Variants in LRP1B observed in about 807,000 individuals in gnomAD.
The protein encoded by LRP1B is LDL receptor related protein 1B.
LRP1B carries 217 observed loss-of-function variants against 556.6 expected under a neutral mutation model. The observed-to-expected ratio is 0.39, with a 90% CI of 0.35 to 0.44. The LOEUF is 0.44. Among genes scored for constraint, LRP1B ranks in the 20% least tolerant of loss-of-function variants. The probability of loss-of-function intolerance (pLI) is 1.00; values close to 1 mark genes in which losing one functional copy is unlikely to be tolerated. For synonymous variants in LRP1B, 2,047 were observed against 1,865.8 expected (o/e 1.10, Z -2.50); for missense variants, 5,053 against 5,620.8 (o/e 0.90, Z 3.23).
intron 1 of LRP1B, among the ~76,000 whole-genome samples, chr2:142,061,209 C>G (rs1168073229): frequency 6.6e-6 from 1 of 151,880 alleles, no homozygotes; most frequent in Non-Finnish European, 1.5e-5. Context: ...AAGCAATGCT[C>G]AGAGTGCTTG....
At chr2:141,510,035 T>C (rs1229106786) in intron 2 of LRP1B, among the ~76,000 whole-genome samples, 3 of 152,172 alleles carry the variant, frequency 2.0e-5, no homozygotes, top group East Asian at 1.9e-4. Context: ...CAAGAACTAT[T>C]TGGGGACCAA....
chr2:140,888,917 C>CA (rs1693717947), intron 23 of LRP1B, among the ~76,000 whole-genome samples: 1 of 141,858 alleles, frequency 7.0e-6, no homozygotes, highest in South Asian at 2.3e-4. Context: ...GAGCCTAGAT[C>CA]ATGCCACTGC....
At position 141,544,405 on chromosome 2, in the gene LRP1B, C is replaced by CCTTCTCCTCCTT. The variant is rs1478827302; in HGVS notation, c.206-63873_206-63872insAAGGAGGAGAAG. Among the ~76,000 whole-genome samples, 3 of 65,880 alleles carry CCTTCTCCTCCTT rather than the reference C, an allele frequency of 4.6e-5. 1 individual carries two copies. The highest frequency in any genetic ancestry group is 1.2e-3 in the South Asian group (2 of 1,698). The allele number at this position is 65,880 out of a possible 152,430, so 43.2% of individuals were successfully genotyped here. On this transcript the variant is annotated intron_variant, in intron 2 of 90. Transcript: ENST00000389484. Reference sequence around the variant, plus strand: ...TTCTCCTCCTCCTCCTCCTCCTCCTCCTCCTCCTTCTCCTCCTTCTCCTCC... The same window carrying CCTTCTCCTCCTT: ...TTCTCCTCCTCCTCCTCCTCCTCCTCCTTCTCCTCCTTCTCCTCCTTCTCCTCCTTCTCCTCC...
chr2:140,442,125 A>T (rs1412028519), intron 66 of LRP1B, among the ~76,000 whole-genome samples: 3 of 148,922 alleles, frequency 2.0e-5, no homozygotes, highest in Non-Finnish European at 3.0e-5. Flanking sequence ...ATAACTACAG[A>T]ATCTTAGGGA....
chr2:141,333,769 G>T (rs966183887), intron 3 of LRP1B, among the ~76,000 whole-genome samples: 1 of 152,258 alleles, frequency 6.6e-6, no homozygotes, highest in South Asian at 2.1e-4. Flanking sequence ...TTTATCAACT[G>T]CTTTCCTGTG....
At chr2:141,914,658 C>T (rs753171027) in intron 1 of LRP1B, among the ~76,000 whole-genome samples, 2 of 152,150 alleles carry the variant, frequency 1.3e-5, no homozygotes, top group African/African-American at 2.4e-5. Flanking sequence ...AGTAAAGTTT[C>T]AGGATGCAAA....
At chr2:140,435,577 A>T (rs1686139485) in intron 66 of LRP1B, among the ~76,000 whole-genome samples, 1 of 151,952 alleles carries the variant, frequency 6.6e-6, no homozygotes, top group South Asian at 2.1e-4. Flanking sequence ...AGTCTAGAAT[A>T]TTTGGCATGC....
At position 140,503,050 on chromosome 2, in the gene LRP1B, G is replaced by C. The variant is rs780186916; in HGVS notation, c.8575C>G (p.Leu2859Val). 2 of 1,613,372 alleles carry C rather than the reference G, an allele frequency of 1.2e-6. No homozygotes were observed. The highest frequency in any genetic ancestry group is 1.7e-6 in the Non-Finnish European group (2 of 1,179,434). Residue 2859 changes from leucine (L) to valine (V), a missense_variant, in exon 54 of 91, where the codon CTA (leucine) becomes GTA (valine). Transcript: ENST00000389484. ...CCATCACACTGCCATTGAGTATTTAGAAGACACCGCCCATCAGCACAACTA... is the reference window on the plus strand; with the variant it reads ...CCATCACACTGCCATTGAGTATTTACAAGACACCGCCCATCAGCACAACTA... Reference protein sequence around the residue: ...EFSCADGRCLLNTQWQCDGDF... With the variant: ...EFSCADGRCLVNTQWQCDGDF...
At chr2:140,459,667 T>C (rs1398974675) in intron 60 of LRP1B, among the ~76,000 whole-genome samples, 1 of 152,190 alleles carries the variant, frequency 6.6e-6, no homozygotes, top group Non-Finnish European at 1.5e-5. Flanking sequence ...TTTTATTTAA[T>C]ACTCTCAAAA....
intron 2 of LRP1B, among the ~76,000 whole-genome samples, chr2:141,722,013 C>A (rs1456088386): frequency 6.6e-6 from 1 of 152,018 alleles, no homozygotes; most frequent in Admixed American, 6.5e-5. Flanking sequence ...TAGGTAAAAC[C>A]CAAGTTACTA....
chr2:141,723,781 G>C (rs1692929283), intron 2 of LRP1B, among the ~76,000 whole-genome samples: 1 of 150,848 alleles, frequency 6.6e-6, no homozygotes, highest in African/African-American at 2.4e-5. Context: ...TCATGACCTA[G>C]TGTCTCTTCT....
At chr2:140,923,777 C>G (rs1694810019) in intron 20 of LRP1B, among the ~76,000 whole-genome samples, 1 of 151,886 alleles carries the variant, frequency 6.6e-6, no homozygotes, top group Admixed American at 6.6e-5. Flanking sequence ...TCAAATTTAT[C>G]AATTAATAAT....
rs998468143 is a variant in LRP1B, at chr2:141,407,510, G to T, written c.343+72886C>A. 3.3e-5 allele frequency among the ~76,000 whole-genome samples: 5 copies of T among 152,010 alleles called. No individual in the cohort carries two copies. The East Asian group carries it at 7.7e-4, about 24-fold the overall frequency. On this transcript the variant is annotated intron_variant, in intron 3 of 90. Coordinates refer to ENST00000389484, the MANE Select transcript of LRP1B (RefSeq NM_018557.3). ...TGGGAGGTGTTTGGATCATACAGGC[G>T]GATCCCTCATGAATGGCTTGGGCAA...
Position 141,015,734 on chromosome 2 carries a change from G to T in LRP1B, c.2152C>A (p.His718Asn), listed in dbSNP as rs2105388938. ...CCATTCAAAAATACTTTTTCAATAT[G>T]ATCGTAATAGGCATCACACCAGTAT... ...TLYWCDAYYD[H>N]IEKVFLNGTH... Residue 718 changes from histidine to asparagine, a missense_variant, in exon 13 of 91, where the codon CAT (histidine) becomes AAT (asparagine). By Grantham distance (68) the His-to-Asn change is moderately conservative. Coordinates refer to ENST00000389484, the MANE Select transcript of LRP1B (RefSeq NM_018557.3). 6.2e-7 allele frequency: 1 copy of T among 1,613,064 alleles called. No homozygotes were observed. Among genetic ancestry groups the T allele is most frequent in the Non-Finnish European group, 8.5e-7 (1 of 1,179,500 alleles).
rs751396734 is a variant in LRP1B, at chr2:140,702,451, C to T, written c.6126G>A (p.Pro2042=). ...VVLVSMGIAW[P]NGISIDYEEN... The stretch of plus-strand genomic sequence containing the variant: ...CCTCATAGTCGATGGAGATGCCATT[C>T]GGCCATGCTATTCCCATGCTTACAA... The change falls in exon 38 of 91, where the codon CCG becomes CCA. Residue 2042 remains proline (P), a synonymous_variant. Coordinates refer to ENST00000389484, the MANE Select transcript of LRP1B (RefSeq NM_018557.3). The T allele has an allele frequency of 1.1e-5, 17 of 1,613,390 alleles. No individual in the cohort carries two copies. Among genetic ancestry groups the T allele is most frequent in the African/African-American group, 2.7e-5 (2 of 74,868 alleles).
intron 60 of LRP1B, among the ~76,000 whole-genome samples, chr2:140,462,292 A>G (rs1449477376): frequency 6.6e-6 from 1 of 152,144 alleles, no homozygotes; most frequent in Non-Finnish European, 1.5e-5. Flanking sequence ...ATCCCTTCCA[A>G]TCTCTTTTAT....
chr2:141,523,483 G>GGAC (rs1404394617), intron 2 of LRP1B, among the ~76,000 whole-genome samples: 4 of 151,878 alleles, frequency 2.6e-5, no homozygotes, highest in Non-Finnish European at 5.9e-5. Flanking sequence ...ACATAAACAA[G>GGAC]CACCTTACAT....
chr2:140,432,232 C>T (rs1685979868), intron 66 of LRP1B, among the ~76,000 whole-genome samples: 2 of 152,176 alleles, frequency 1.3e-5, no homozygotes, highest in African/African-American at 2.4e-5. Context: ...AGAACAACCC[C>T]CCTTTGACTG....
At chr2:141,540,534 AC>A (rs1287245276) in intron 2 of LRP1B, among the ~76,000 whole-genome samples, 1 of 151,994 alleles carries the variant, frequency 6.6e-6, no homozygotes, top group Non-Finnish European at 1.5e-5. Context: ...GTGCTTCAAG[AC>A]TCATAGAAAG....
Sources: allele counts gnomAD v4.1 joint callset (sites outside exome capture counted in the v4.1 genomes callset), GRCh38; gene constraint gnomAD v4.1.1; transcripts MANE v1.5; gene names NCBI Gene and HGNC (gene_info 2026-07-23, HGNC 2026-07-21).